Variants in MRTFA observed in about 807,000 individuals in gnomAD.
MRTFA encodes myocardin-related transcription factor A.
MRTFA carries 20 observed loss-of-function variants against 83.5 expected under a neutral mutation model. The observed-to-expected ratio is 0.24, with a 90% CI of 0.17 to 0.35. The LOEUF (loss-of-function observed/expected upper bound fraction) is 0.35. MRTFA is among the 10% of genes least tolerant of loss of function. The pLI, the probability that MRTFA is intolerant of heterozygous loss-of-function variation, is 1.00. For missense variants in MRTFA, 1,200 were observed against 1,224.7 expected, an observed-to-expected ratio of 0.98 and a Z score of 0.30; for synonymous variants, 659 against 541.2, an observed-to-expected ratio of 1.22 and a Z score of -3.02.
intron 4 of MRTFA, among the ~76,000 whole-genome samples, chr22:40,437,082 T>C (rs2053185376): frequency 6.6e-6 from 1 of 152,138 alleles, no homozygotes; most frequent in Non-Finnish European, 1.5e-5. Context: ...TGAGATCCCA[T>C]CTTCTAACAG....
intron 3 of MRTFA, among the ~76,000 whole-genome samples, chr22:40,497,208 C>T (rs2054370559): frequency 6.6e-6 from 1 of 152,144 alleles, no homozygotes; most frequent in South Asian, 2.1e-4. Flanking sequence ...TTAGAGAAGG[C>T]CTCCAGGAGG....
At chr22:40,528,324 C>T (rs2055014819) in intron 3 of MRTFA, among the ~76,000 whole-genome samples, 1 of 152,130 alleles carries the variant, frequency 6.6e-6, no homozygotes, top group Non-Finnish European at 1.5e-5. Flanking sequence ...AAATTATAAA[C>T]AATCTCATTT....
At chr22:40,558,531 G>A (rs765000070) in intron 2 of MRTFA, among the ~76,000 whole-genome samples, 21 of 151,840 alleles carry the variant, frequency 1.4e-4, no homozygotes, top group Admixed American at 3.9e-4. Context: ...GCATTTACAT[G>A]TGTTAATATT....
intron 4 of MRTFA, among the ~76,000 whole-genome samples, chr22:40,448,570 C>T (rs28718508): frequency 6.6e-6 from 1 of 152,224 alleles, no homozygotes; most frequent in Non-Finnish European, 1.5e-5. Context: ...ATTTGGCCAT[C>T]TTTTCCTAGC....
chr22:40,427,851 A>C (rs966883129), intron 7 of MRTFA, among the ~76,000 whole-genome samples: 1 of 152,052 alleles, frequency 6.6e-6, no homozygotes, highest in Admixed American at 6.6e-5. Flanking sequence ...CCATCCACCA[A>C]CCTCCAGGAA....
At chr22:40,587,158 T>A in intron 2 of MRTFA, 1 of 460,888 alleles carries the variant, frequency 2.2e-6, no homozygotes, top group Non-Finnish European at 4.4e-6. Flanking sequence ...AAGGTCTGTA[T>A]TGATCATCTT....
At chr22:40,560,368 T>C (rs1029797401) in intron 2 of MRTFA, among the ~76,000 whole-genome samples, 1 of 152,220 alleles carries the variant, frequency 6.6e-6, no homozygotes, top group Non-Finnish European at 1.5e-5. Flanking sequence ...AGAAGTCATA[T>C]ACAAGCACTG....
chr22:40,452,622 G>A (rs544352355), intron 4 of MRTFA, among the ~76,000 whole-genome samples: 8 of 151,498 alleles, frequency 5.3e-5, no homozygotes, highest in Non-Finnish European at 1.0e-4. Flanking sequence ...TCAGGAGTTC[G>A]AGCATGGTGA....
At chr22:40,579,010 G>A (rs1369985572) in intron 2 of MRTFA, among the ~76,000 whole-genome samples, 1 of 152,044 alleles carries the variant, frequency 6.6e-6, no homozygotes, top group Non-Finnish European at 1.5e-5. Context: ...TGGGAGGCTG[G>A]GGTGGAAGGA....
At chr22:40,476,609 G>A (rs1296998751) in intron 3 of MRTFA, among the ~76,000 whole-genome samples, 1 of 151,924 alleles carries the variant, frequency 6.6e-6, no homozygotes, top group Non-Finnish European at 1.5e-5. Flanking sequence ...CCACAGGCAC[G>A]CACCACCACA....
intron 4 of MRTFA, among the ~76,000 whole-genome samples, chr22:40,446,227 T>C (rs895380318): frequency 1.3e-5 from 2 of 152,214 alleles, no homozygotes; most frequent in Non-Finnish European, 2.9e-5. Flanking sequence ...CTAATAACAG[T>C]TTTAGCATCT....
chr22:40,452,218 T>A (rs570700180), intron 4 of MRTFA, among the ~76,000 whole-genome samples: 139 of 152,222 alleles, frequency 9.1e-4, no homozygotes, highest in African/African-American at 3.2e-3. Flanking sequence ...TCTGTTGACC[T>A]CGTGATCCAC....
chr22:40,422,610 A>ATGT (rs2052865252), intron 9 of MRTFA, among the ~76,000 whole-genome samples: 2 of 152,376 alleles, frequency 1.3e-5, no homozygotes, highest in Admixed American at 1.3e-4. Flanking sequence ...AGGAAGCCAC[A>ATGT]GTGACTTTCT....
chr22:40,420,086 C>T (rs2052796188), intron 11 of MRTFA, among the ~76,000 whole-genome samples: 1 of 152,240 alleles, frequency 6.6e-6, no homozygotes, highest in African/African-American at 2.4e-5. Context: ...CACCAATCCC[C>T]ACTTCTCACA....
Position 40,453,994 on chromosome 22 carries a change from G to A in MRTFA, c.307+9227C>T, listed in dbSNP as rs779474358. 1.8e-4 allele frequency among the ~76,000 whole-genome samples: 27 copies of A among 152,330 alleles called. 1 individual carries two copies. Among genetic ancestry groups the A allele is most frequent in the Admixed American group, 1.2e-3 (19 of 15,302 alleles). On this transcript the variant is annotated intron_variant, in intron 4 of 14. Coordinates refer to ENST00000355630, the MANE Select transcript of MRTFA (RefSeq NM_020831.6). ...AGTCCTGCTAATATATGACCAAAAGGAGAATGATCTTAACAGAGTAGTACC... is the reference window on the plus strand; with the variant it reads ...AGTCCTGCTAATATATGACCAAAAGAAGAATGATCTTAACAGAGTAGTACC...
intron 1 of MRTFA, among the ~76,000 whole-genome samples, chr22:40,635,298 G>A (rs1479774251): frequency 6.6e-6 from 1 of 152,036 alleles, no homozygotes; most frequent in East Asian, 1.9e-4. Context: ...GGAGTTTTGG[G>A]GGTCTTCTGA....
intron 4 of MRTFA, among the ~76,000 whole-genome samples, chr22:40,461,657 G>C (rs2053715911): frequency 6.6e-6 from 1 of 151,310 alleles, no homozygotes; most frequent in African/African-American, 2.4e-5. Context: ...AAATTAGCCA[G>C]GCGCTGTGGT....
chr22:40,486,525 A>C (rs1158075339), intron 3 of MRTFA, among the ~76,000 whole-genome samples: 1 of 152,146 alleles, frequency 6.6e-6, no homozygotes, highest in Admixed American at 6.5e-5. Context: ...CTCTAGGAGG[A>C]AAATTTGCTT....
rs191116657 is a variant in MRTFA at position 40,566,435 on chromosome 22, T to C, written c.-21-14068A>G. On this transcript the variant is annotated intron_variant, in intron 2 of 14. Coordinates refer to ENST00000355630, the MANE Select transcript of MRTFA (RefSeq NM_020831.6). ...CGGGCTTTCACCATCTTGGCCAGACTGGTACTGAACTCCTGACCTCGTGAT... is the reference window on the plus strand; with the variant it reads ...CGGGCTTTCACCATCTTGGCCAGACCGGTACTGAACTCCTGACCTCGTGAT... 3.0e-3 allele frequency among the ~76,000 whole-genome samples: 450 copies of C among 152,174 alleles called. 4 individuals carry two copies. Among genetic ancestry groups the C allele is most frequent in the African/African-American group, 0.01 (429 of 41,566 alleles).
Sources: allele counts gnomAD v4.1 joint callset (sites outside exome capture counted in the v4.1 genomes callset), GRCh38; gene constraint gnomAD v4.1.1; transcripts MANE v1.5; gene names NCBI Gene and HGNC (gene_info 2026-07-23, HGNC 2026-07-21).